The following DNMT3B variants were observed in gnomAD, a reference collection of about 807,000 sequenced individuals.
The protein encoded by DNMT3B is DNA methyltransferase 3 beta, also known as DNA (cytosine-5)-methyltransferase 3B.
In DNMT3B, 37 loss-of-function variants were observed where a neutral mutation model predicts 120.2. The observed-to-expected ratio is 0.31, with a 90% confidence interval of 0.24 to 0.40. DNMT3B has a LOEUF of 0.40. DNMT3B is among the 10% of genes least tolerant of loss of function. DNMT3B has a pLI of 1.00. For missense variants in DNMT3B, 878 were observed against 1,137.3 expected (o/e 0.77, Z 3.28); for synonymous variants, 412 against 442.8 (o/e 0.93, Z 0.87).
chr20:32,779,955 CAG>C (rs1167204957), intron 1 of DNMT3B: 2 of 911,626 alleles, frequency 2.2e-6, no homozygotes, highest in Non-Finnish European at 3.4e-6. Flanking sequence ...CCAGAGGGGA[CAG>C]AGGCTGGCGG....
intron 1 of DNMT3B, among the ~76,000 whole-genome samples, chr20:32,765,387 C>T (rs1485391986): frequency 6.7e-6 from 1 of 150,200 alleles, no homozygotes; most frequent in Non-Finnish European, 1.5e-5. Context: ...GGTACTATTA[C>T]GTCTTGGTGG....
intron 1 of DNMT3B, among the ~76,000 whole-genome samples, chr20:32,777,579 C>A (rs1055910198): frequency 6.6e-6 from 1 of 152,210 alleles, no homozygotes; most frequent in African/African-American, 2.4e-5. Context: ...TGTCCTCCCC[C>A]CAGAGCACTT....
intron 21 of DNMT3B, 94 bp from the exon 22 acceptor site, chr20:32,806,115 G>C (rs377281111): frequency 8.6e-7 from 1 of 1,160,706 alleles, no homozygotes; most frequent in Non-Finnish European, 1.3e-6. Flanking sequence ...CCGCACCTGC[G>C]CTCTCCCCTC....
At position 32,801,336 on chromosome 20, in the gene DNMT3B, G is replaced by A. The variant is rs144497819; in HGVS notation, c.2055G>A (p.Lys685=). 718 of 1,614,172 alleles carry A rather than the reference G, an allele frequency of 4.4e-4. 6 individuals are homozygous for A. In the South Asian group the frequency reaches 6.8e-3, roughly 15 times the overall value. Residue 685 remains lysine (K), a synonymous_variant, in exon 19 of 23, where the codon AAG becomes AAA. Coordinates refer to ENST00000328111, the MANE Select transcript of DNMT3B (RefSeq NM_006892.4). ...ACCTGCTGAATTACTCACGCCCCAAGGAGGGTGATGACCGGCCGTTCTTCT... is the reference window on the plus strand; with the variant it reads ...ACCTGCTGAATTACTCACGCCCCAAAGAGGGTGATGACCGGCCGTTCTTCT... The part of the protein sequence containing the change: ...FYHLLNYSRP[K]EGDDRPFFWM...
In DNMT3B at chr20:32,809,215, T is replaced by A. The variant is rs1250574500; in HGVS notation, c.*1312T>A. 1 of 101,428 alleles carries A rather than the reference T, an allele frequency of 9.9e-6. No individual in the cohort carries two copies. Among genetic ancestry groups the A allele is most frequent in the African/African-American group, 2.4e-4 (1 of 4,114 alleles). 6.3% of individuals were successfully genotyped at this position (101,428 alleles called of 1,614,324 possible). ...TTATGTTTAACGTTTTCATTAAAAT[T>A]TTTTTTGTAACTGGAGCCACGACGT... On this transcript the variant is annotated 3_prime_UTR_variant, in exon 23 of 23. Transcript: ENST00000328111.
chr20:32,806,647 G>A (rs543321263), intron 22 of DNMT3B, among the ~76,000 whole-genome samples: 107 of 152,296 alleles, frequency 7.0e-4, no homozygotes, highest in African/African-American at 2.5e-3. Flanking sequence ...AAACCCCACA[G>A]ACATGCCATT....
chr20:32,800,390 T>C, intron 17 of DNMT3B, 92 bp downstream of exon 17: 1 of 1,554,962 alleles, frequency 6.4e-7, no homozygotes, highest in Non-Finnish European at 8.8e-7. Context: ...GCCCCATCCC[T>C]GAGACCCCAG....
chr20:32,789,376 T>C (rs1979699152), intron 7 of DNMT3B, among the ~76,000 whole-genome samples: 1 of 152,204 alleles, frequency 6.6e-6, no homozygotes, highest in Admixed American at 6.5e-5. Flanking sequence ...GGCCGCGGCC[T>C]CTTGTCATTT....
intron 14 of DNMT3B, among the ~76,000 whole-genome samples, chr20:32,798,095 C>T (rs1169244215): frequency 6.6e-6 from 1 of 152,126 alleles, no homozygotes; most frequent in South Asian, 2.1e-4. Context: ...GTGTGAGCCA[C>T]CACACCCAGC....
chr20:32,773,526 G>A (rs557527093), intron 1 of DNMT3B, among the ~76,000 whole-genome samples: 53 of 152,078 alleles, frequency 3.5e-4, no homozygotes, highest in Non-Finnish European at 7.2e-4. Context: ...ATCTATGTAG[G>A]GGTCCTTGGT....
chr20:32,773,187 A>G (rs1052304695), intron 1 of DNMT3B, among the ~76,000 whole-genome samples: 7 of 150,748 alleles, frequency 4.6e-5, no homozygotes, highest in African/African-American at 1.7e-4. Context: ...GCTCACTGCG[A>G]CGTCCACCTC....
intron 1 of DNMT3B, 66 bp from the exon 2 acceptor site, chr20:32,780,252 G>T (rs963434160): frequency 1.4e-5 from 23 of 1,613,200 alleles, no homozygotes; most frequent in African/African-American, 2.7e-5. Context: ...GCCCATGGCG[G>T]GGGAACACTG....
At chr20:32,794,080 G>GA (rs1980312144) in intron 10 of DNMT3B, among the ~76,000 whole-genome samples, 1 of 152,120 alleles carries the variant, frequency 6.6e-6, no homozygotes, top group African/African-American at 2.4e-5. Flanking sequence ...AGCATTTTGG[G>GA]ATGCAAATAA....
At chr20:32,767,103 G>C (rs1028745524) in intron 1 of DNMT3B, among the ~76,000 whole-genome samples, 1 of 151,690 alleles carries the variant, frequency 6.6e-6, no homozygotes, top group Non-Finnish European at 1.5e-5. Context: ...TGTTGGTCAG[G>C]CTGGTCTCGA....
intron 2 of DNMT3B, among the ~76,000 whole-genome samples, chr20:32,780,918 C>T (rs1278706003): frequency 1.3e-5 from 2 of 152,246 alleles, no homozygotes; most frequent in Admixed American, 6.5e-5. Context: ...ATTGTCCTCT[C>T]AGCTGTGCCA....
chr20:32,763,928 A>G lies in DNMT3B; in HGVS notation c.-7+1229A>G, dbSNP rs554850529. ...CGGTGGGTTGTGGCAGACGGGTGGC[A>G]GTTTTTGGGAAACAGCTGTTATCTC... On this transcript the variant is annotated intron_variant, in intron 1 of 22. Transcript: ENST00000328111. 1.7e-3 allele frequency among the ~76,000 whole-genome samples: 263 copies of G among 152,288 alleles called. 1 individual carries two copies. Among genetic ancestry groups the G allele is most frequent in the Non-Finnish European group, 2.9e-3 (196 of 68,022 alleles).
chr20:32,776,119 C>T (rs1009094348), intron 1 of DNMT3B, among the ~76,000 whole-genome samples: 1 of 152,072 alleles, frequency 6.6e-6, no homozygotes, highest in Non-Finnish European at 1.5e-5. Flanking sequence ...ATCCCAGCTA[C>T]TCGGGAGGCT....
At chr20:32,796,317 G>C (rs1000083683) in intron 12 of DNMT3B, among the ~76,000 whole-genome samples, 12 of 152,298 alleles carry the variant, frequency 7.9e-5, no homozygotes, top group South Asian at 6.2e-4. Context: ...TACCCAGCCA[G>C]GGATGCAACT....
chr20:32,764,599 C>G (rs1371985430), intron 1 of DNMT3B, among the ~76,000 whole-genome samples: 1 of 152,130 alleles, frequency 6.6e-6, no homozygotes, highest in African/African-American at 2.4e-5. Flanking sequence ...CGAACGGAGT[C>G]TTGGTTTTGT....
Sources: gnomAD v4.1 joint callset for allele counts (sites outside exome capture counted in the v4.1 genomes callset) on GRCh38, gnomAD v4.1.1 for gene constraint, MANE v1.5 for transcripts, NCBI Gene and HGNC (gene_info 2026-07-23, HGNC 2026-07-21) for gene names.